GRIA3: variants seen among roughly 807,000 people sequenced by gnomAD.
GRIA3 encodes glutamate receptor 3.
Under a neutral mutation model 63.0 loss-of-function variants are expected in GRIA3, and 3 were observed. The observed-to-expected ratio is 0.05, with a 90% CI of 0.02 to 0.12. The LOEUF is 0.12. Among genes scored for constraint, GRIA3 ranks in the 10% least tolerant of loss-of-function variants. The pLI is 1.00. For missense variants in GRIA3, 347 were observed against 700.9 expected (o/e 0.50, Z 5.70); for synonymous variants, 274 against 257.9 (o/e 1.06, Z -0.60).
At chrX:123,256,537 G>T (rs1487852191) in intron 3 of GRIA3, among the ~76,000 whole-genome samples, 1 of 111,596 alleles carries the variant, frequency 9.0e-6, no homozygotes, top group Non-Finnish European at 1.9e-5. Context: ...AATAGCAAGT[G>T]CAAAGGTCAT....
At chrX:123,463,280 G>T (rs775751242) in intron 12 of GRIA3, among the ~76,000 whole-genome samples, 1 of 109,596 alleles carries the variant, frequency 9.1e-6, no homozygotes, top group Non-Finnish European at 1.9e-5. Context: ...CAGGTCAGGT[G>T]CTCACGCCTG....
chrX:123,464,184 TG>T (rs1365305156), intron 12 of GRIA3, among the ~76,000 whole-genome samples: 1 of 109,250 alleles, frequency 9.2e-6, no homozygotes. Flanking sequence ...GTACCGGGGG[TG>T]GGGGTGTGGA....
chrX:123,344,318 T>C (rs773987923), intron 4 of GRIA3, among the ~76,000 whole-genome samples: 2 of 112,259 alleles, frequency 1.8e-5, no homozygotes, highest in South Asian at 7.6e-4. Context: ...GCCAAAAGCA[T>C]CCTATTGTAG....
intron 12 of GRIA3, among the ~76,000 whole-genome samples, chrX:123,459,042 T>A (rs368338244): frequency 8.9e-6 from 1 of 111,855 alleles, no homozygotes; most frequent in East Asian, 2.8e-4. Context: ...AGATATATAA[T>A]GTTTTTCCCA....
chrX:123,420,188 AAG>A (rs1160365573), intron 11 of GRIA3, among the ~76,000 whole-genome samples: 2 of 112,114 alleles, frequency 1.8e-5, no homozygotes, highest in Non-Finnish European at 3.8e-5. Context: ...GTGAAATATA[AAG>A]ACTCAGAAGA....
At chrX:123,471,926 T>C (rs1286524546) in intron 13 of GRIA3, among the ~76,000 whole-genome samples, 3 of 94,965 alleles carry the variant, frequency 3.2e-5, no homozygotes, top group African/African-American at 1.2e-4. Flanking sequence ...TTCACCTTTT[T>C]GCCTAATTTC....
At chrX:123,334,063 C>A (rs1313616207) in intron 4 of GRIA3, among the ~76,000 whole-genome samples, 1 of 111,845 alleles carries the variant, frequency 8.9e-6, no homozygotes, top group African/African-American at 3.2e-5. Context: ...GAATTAATAT[C>A]TTGAAGCAAT....
chrX:123,335,826 T>G (rs1012746814), intron 4 of GRIA3, among the ~76,000 whole-genome samples: 1 of 112,054 alleles, frequency 8.9e-6, no homozygotes, highest in African/African-American at 3.2e-5. Context: ...TAATACCTCT[T>G]ACTTCATATG....
At position 123,260,481 on chromosome X, in the gene GRIA3, A is replaced by AAAGAAAGAAAG. The variant is rs2044450579; in HGVS notation, c.508+6942_508+6952dup. 1.7e-4 allele frequency among the ~76,000 whole-genome samples: 3 copies of AAAGAAAGAAAG among 17,341 alleles called. 1 individual carries two copies. The highest frequency in any genetic ancestry group is 4.5e-4 in the African/African-American group (3 of 6,699). 15.1% of individuals were successfully genotyped at this position (17,341 alleles called of 115,157 possible). On this transcript the variant is annotated intron_variant, in intron 3 of 15. Transcript: ENST00000620443. ...GAAAGGAAGGAAGAAGAAAGGAAAG[A>AAAGAAAGAAAG]AAGAAAGAAAGAAAGAAAGAAAGAA...
chrX:123,443,295 C>A (rs1403396038), intron 12 of GRIA3, among the ~76,000 whole-genome samples: 1 of 112,221 alleles, frequency 8.9e-6, no homozygotes, highest in Non-Finnish European at 1.9e-5. Context: ...TTTTGATCTT[C>A]TTCTCCTCTG....
At chrX:123,408,708 G>A (rs2045489325) in intron 10 of GRIA3, among the ~76,000 whole-genome samples, 2 of 111,698 alleles carry the variant, frequency 1.8e-5, no homozygotes, top group South Asian at 3.8e-4. Context: ...AGCAATAGCC[G>A]GGGAGGCTCT....
Position 123,489,441 on chromosome X carries a change from CAAA to C in GRIA3, c.*732_*734del, listed in dbSNP as rs1182258877. The C allele has an allele frequency of 8.9e-6, 1 of 112,623 alleles. No individual in the cohort carries two copies. The highest frequency in any genetic ancestry group is 9.4e-5 in the Admixed American group (1 of 10,617). 9.3% of individuals were successfully genotyped at this position (112,623 alleles called of 1,213,427 possible). On this transcript the variant is annotated 3_prime_UTR_variant, in exon 16 of 16. Transcript: ENST00000620443. ...GAAAATGCTTTGATAACTTCCCACT[CAAA>C]GAAGAGATTTACAGAGCTTTCGAAA...
At chrX:123,312,551 C>A (rs752390077) in intron 3 of GRIA3, among the ~76,000 whole-genome samples, 3 of 111,669 alleles carry the variant, frequency 2.7e-5, no homozygotes, top group South Asian at 3.8e-4. Flanking sequence ...TTGGAGCCTG[C>A]GTAGATTAGA....
At chrX:123,474,931 T>C (rs1386093162) in intron 13 of GRIA3, among the ~76,000 whole-genome samples, 1 of 111,248 alleles carries the variant, frequency 9.0e-6, no homozygotes, top group East Asian at 2.8e-4. Flanking sequence ...GTGGCAGGTG[T>C]GGATGGTAGA....
intron 13 of GRIA3, among the ~76,000 whole-genome samples, chrX:123,467,580 A>G (rs1423422523): frequency 8.9e-6 from 1 of 111,904 alleles, no homozygotes; most frequent in Non-Finnish European, 1.9e-5. Context: ...GTATCATTGA[A>G]GTGAGTTGCA....
chrX:123,200,590 TACACACACACACATACATAC>T (rs1927703018), intron 2 of GRIA3, among the ~76,000 whole-genome samples: 2 of 82,552 alleles, frequency 2.4e-5, no homozygotes, highest in Non-Finnish European at 4.9e-5. Context: ...TATATACATA[TACACACACACACATACATAC>T]ACACACACAC....
intron 12 of GRIA3, among the ~76,000 whole-genome samples, chrX:123,455,802 G>A (rs191816952): frequency 6.1e-4 from 66 of 107,689 alleles, no homozygotes; most frequent in African/African-American, 2.0e-3. Context: ...GCAAGCAAAA[G>A]AGGCTGGGGT....
At chrX:123,412,948 G>A (rs1282794147) in intron 10 of GRIA3, among the ~76,000 whole-genome samples, 2 of 110,927 alleles carry the variant, frequency 1.8e-5, no homozygotes, top group East Asian at 5.7e-4. Context: ...GAAATGCCAG[G>A]CTGAGGAAAA....
intron 5 of GRIA3, among the ~76,000 whole-genome samples, chrX:123,362,089 C>A (rs753584575): frequency 1.8e-5 from 2 of 111,979 alleles, no homozygotes; most frequent in African/African-American, 6.5e-5. Flanking sequence ...CACCAGTCTG[C>A]ACACATTTTG....
Sources: allele counts gnomAD v4.1 joint callset (sites outside exome capture counted in the v4.1 genomes callset), GRCh38; gene constraint gnomAD v4.1.1; transcripts MANE v1.5; gene names NCBI Gene and HGNC (gene_info 2026-07-23, HGNC 2026-07-21).